Variants in RARB observed in about 807,000 individuals in gnomAD.
The protein encoded by RARB is HBV-activated protein.
RARB carries 17 observed loss-of-function variants against 51.9 expected under a neutral mutation model. That is an observed-to-expected ratio of 0.33 (90% confidence interval 0.22 to 0.49). The LOEUF is 0.49. RARB is among the 20% of genes least tolerant of loss of function. The pLI is 0.99. For missense variants in RARB, 369 were observed against 550.8 expected (o/e 0.67, Z 3.30); for synonymous variants, 215 against 195.4 (o/e 1.10, Z -0.84).
At chr3:25,230,001 T>G (rs758475605) in intron 5 of RARB, among the ~76,000 whole-genome samples, 20 of 152,074 alleles carry the variant, frequency 1.3e-4, no homozygotes, top group Non-Finnish European at 1.0e-4. Flanking sequence ...GGATCTTGAG[T>G]AAATATATTA....
intron 4 of RARB, among the ~76,000 whole-genome samples, chr3:25,133,651 C>T (rs1189283870): frequency 6.6e-6 from 1 of 151,878 alleles, no homozygotes; most frequent in Non-Finnish European, 1.5e-5. Flanking sequence ...AATGTGTTTT[C>T]TGTGACTACA....
Position 24,880,693 on chromosome 3 carries a change from T to C in RARB, c.-380+21941T>C, listed in dbSNP as rs187440673. On this transcript the variant is annotated intron_variant, in intron 2 of 11. Coordinates refer to the RARB transcript ENST00000383772. ...TCATAGACTCCAATGATAACATATC[T>C]CAACAATTTGAATGCACAAGCAGAT... Among the ~76,000 whole-genome samples the C allele has an allele frequency of 4.4e-3, 676 of 152,260 alleles. 6 individuals are homozygous for C. Among genetic ancestry groups the C allele is most frequent in the Non-Finnish European group, 7.1e-3 (481 of 68,028 alleles).
chr3:25,354,364 C>T (rs760202970), intron 5 of RARB, among the ~76,000 whole-genome samples: 6 of 151,906 alleles, frequency 3.9e-5, no homozygotes, highest in Non-Finnish European at 7.4e-5. Context: ...ATTGTGTGTA[C>T]CCTGATGGTA....
At chr3:25,144,205 G>T (rs1005825525) in intron 4 of RARB, among the ~76,000 whole-genome samples, 3 of 152,144 alleles carry the variant, frequency 2.0e-5, no homozygotes, top group African/African-American at 7.2e-5. Flanking sequence ...TATCTGAAAA[G>T]TTAATACAGT....
At position 25,493,381 on chromosome 3, in the gene RARB, A is replaced by T. The variant is rs543658270; in HGVS notation, c.307-7801A>T. On this transcript the variant is annotated intron_variant, in intron 2 of 7. Transcript: ENST00000330688. ...TTAAGGCAACGTGTTTCCTGGTTTA[A>T]AAACCATGTTTCCCAGAGTAGCTGT... 3.3e-5 allele frequency among the ~76,000 whole-genome samples: 5 copies of T among 152,308 alleles called. No individual in the cohort carries two copies. In the South Asian group the frequency reaches 1.0e-3, roughly 32 times the overall value.
chr3:25,464,071 TA>T (rs1336027487), intron 2 of RARB, among the ~76,000 whole-genome samples: 2 of 152,242 alleles, frequency 1.3e-5, no homozygotes, highest in African/African-American at 2.4e-5. Flanking sequence ...GTGCAATATA[TA>T]AATAAATGAT....
At chr3:25,473,111 C>T (rs764237650) in intron 2 of RARB, among the ~76,000 whole-genome samples, 3 of 152,188 alleles carry the variant, frequency 2.0e-5, no homozygotes, top group Non-Finnish European at 2.9e-5. Flanking sequence ...TCATTGTCTT[C>T]TTGTCACTAT....
chr3:25,167,031 C>T (rs183480849), intron 4 of RARB, among the ~76,000 whole-genome samples: 1 of 152,334 alleles, frequency 6.6e-6, no homozygotes, highest in African/African-American at 2.4e-5. Context: ...GGTGCTGTTA[C>T]TGCCTTTCTC....
intron 5 of RARB, among the ~76,000 whole-genome samples, chr3:25,590,053 A>G (rs540956107): frequency 2.9e-4 from 44 of 152,338 alleles, no homozygotes; most frequent in Non-Finnish European, 5.0e-4. Context: ...GGGCCGGGGC[A>G]GGGAAGGGAG....
At chr3:25,309,052 T>A (rs1365997739) in intron 5 of RARB, among the ~76,000 whole-genome samples, 1 of 152,032 alleles carries the variant, frequency 6.6e-6, no homozygotes, top group East Asian at 1.9e-4. Flanking sequence ...ACTTTGTTGA[T>A]CTGTAGAAAA....
chr3:25,290,638 A>G (rs565957838), intron 5 of RARB, among the ~76,000 whole-genome samples: 3 of 152,202 alleles, frequency 2.0e-5, no homozygotes, highest in African/African-American at 4.8e-5. Context: ...AAGTGGGTAC[A>G]TGGTAAAAAA....
At chr3:25,454,140 A>G (rs1201610389) in intron 1 of RARB, among the ~76,000 whole-genome samples, 3 of 152,312 alleles carry the variant, frequency 2.0e-5, no homozygotes, top group African/African-American at 2.4e-5. Context: ...TATAAATTAC[A>G]TTTTACTAAA....
intron 2 of RARB, among the ~76,000 whole-genome samples, chr3:25,494,310 C>G (rs1696913433): frequency 7.0e-6 from 1 of 142,262 alleles, no homozygotes; most frequent in Non-Finnish European, 1.5e-5. Context: ...CCAGCCTGGA[C>G]CACTGGCTGT....
intron 3 of RARB, among the ~76,000 whole-genome samples, chr3:25,558,730 C>A (rs1167484453): frequency 1.3e-5 from 2 of 152,090 alleles, no homozygotes; most frequent in East Asian, 3.9e-4. Flanking sequence ...TCATCATATT[C>A]CTGCCAGAAA....
intron 2 of RARB, among the ~76,000 whole-genome samples, chr3:24,930,958 A>AGCTATTATTG: frequency 6.6e-6 from 1 of 152,246 alleles, no homozygotes; most frequent in East Asian, 1.9e-4. Context: ...GGTTGCAGTT[A>AGCTATTATTG]GCTATTATTG....
chr3:24,853,776 C>A (rs779835638), intron 1 of RARB, among the ~76,000 whole-genome samples: 29 of 152,174 alleles, frequency 1.9e-4, no homozygotes, highest in Non-Finnish European at 1.0e-4. Context: ...TGGAGATCAA[C>A]TGCTTCATTG....
chr3:25,298,784 C>T (rs1268272524), intron 5 of RARB, among the ~76,000 whole-genome samples: 2 of 152,122 alleles, frequency 1.3e-5, no homozygotes, highest in Non-Finnish European at 1.5e-5. Context: ...TAATAACTTA[C>T]GTTTACAACC....
intron 1 of RARB, among the ~76,000 whole-genome samples, chr3:24,835,678 T>C (rs1390657294): frequency 6.6e-6 from 1 of 152,216 alleles, no homozygotes; most frequent in East Asian, 1.9e-4. Context: ...CTTTATTCTG[T>C]AGTCTGTAGT....
chr3:24,921,862 C>T (rs531467084), intron 2 of RARB, among the ~76,000 whole-genome samples: 2 of 152,210 alleles, frequency 1.3e-5, no homozygotes, highest in African/African-American at 2.4e-5. Context: ...AGAAATTATA[C>T]ATTTCACATA....
Sources: allele counts gnomAD v4.1 joint callset (sites outside exome capture counted in the v4.1 genomes callset), GRCh38; gene constraint gnomAD v4.1.1; transcripts MANE v1.5; gene names NCBI Gene and HGNC (gene_info 2026-07-23, HGNC 2026-07-21).